The following SKAP1 variants were observed in gnomAD, a reference collection of about 807,000 sequenced individuals.
SKAP1 encodes src kinase associated phosphoprotein 1.
SKAP1 carries 44 observed loss-of-function variants against 58.5 expected under a neutral mutation model. That is an observed-to-expected ratio of 0.75 (90% CI 0.59 to 0.97). SKAP1 has a LOEUF of 0.97. SKAP1 is among the 50% of genes least tolerant of loss of function. SKAP1 has a pLI of 0.00. For synonymous variants in SKAP1, 127 were observed against 149.7 expected (o/e 0.85, Z 1.11); for missense variants, 390 against 435.2 (o/e 0.90, Z 0.92).
intron 3 of SKAP1, among the ~76,000 whole-genome samples, chr17:48,359,320 C>T (rs1159369570): frequency 1.3e-5 from 2 of 152,066 alleles, no homozygotes; most frequent in African/African-American, 4.8e-5. Context: ...TCATGGCACA[C>T]CTCTCTCTGA....
intron 1 of SKAP1, among the ~76,000 whole-genome samples, chr17:48,401,291 G>GCAAGA (rs967435294): frequency 6.6e-6 from 1 of 150,958 alleles, no homozygotes; most frequent in African/African-American, 2.4e-5. Context: ...AGGCAACAGA[G>GCAAGA]CAAGACTCTG....
chr17:48,397,125 T>A (rs1197310775), intron 1 of SKAP1: 5 of 343,610 alleles, frequency 1.5e-5, no homozygotes, highest in African/African-American at 8.9e-5. Context: ...TAGAAAACTA[T>A]GACATATATT....
intron 2 of SKAP1, among the ~76,000 whole-genome samples, chr17:48,384,752 G>A (rs1277354872): frequency 2.0e-5 from 3 of 152,206 alleles, no homozygotes; most frequent in Non-Finnish European, 4.4e-5. Context: ...GGTGGCTGCT[G>A]AGTAGGCATC....
chr17:48,317,401 T>C (rs2066304085), intron 4 of SKAP1, among the ~76,000 whole-genome samples: 1 of 152,138 alleles, frequency 6.6e-6, no homozygotes, highest in South Asian at 2.1e-4. Context: ...GTTTTAAAAA[T>C]TGAATTAAAT....
chr17:48,421,115 T>C (rs1372255583), intron 1 of SKAP1, among the ~76,000 whole-genome samples: 1 of 152,116 alleles, frequency 6.6e-6, no homozygotes, highest in African/African-American at 2.4e-5. Flanking sequence ...GAGCAGCTCT[T>C]ACCTAGAGTT....
chr17:48,160,817 G>GATTA (rs1247585763), intron 11 of SKAP1, among the ~76,000 whole-genome samples: 1 of 152,190 alleles, frequency 6.6e-6, no homozygotes, highest in African/African-American at 2.4e-5. Flanking sequence ...TGGATAACTC[G>GATTA]ATTACCCCTG....
chr17:48,361,114 CTATA>C (rs2066931235), intron 3 of SKAP1, among the ~76,000 whole-genome samples: 2 of 151,290 alleles, frequency 1.3e-5, no homozygotes, highest in Non-Finnish European at 2.9e-5. Context: ...CTATACTATA[CTATA>C]CTATACTGTA....
At chr17:48,237,900 A>T (rs972279146) in intron 4 of SKAP1, among the ~76,000 whole-genome samples, 4 of 146,616 alleles carry the variant, frequency 2.7e-5, no homozygotes, top group Non-Finnish European at 6.0e-5. Context: ...GAAGGGAAAG[A>T]TTGATGAGTT....
chr17:48,388,823 TA>T (rs1384620792), intron 2 of SKAP1, among the ~76,000 whole-genome samples: 3 of 152,258 alleles, frequency 2.0e-5, no homozygotes, highest in African/African-American at 7.2e-5. Context: ...ATTTCTCATA[TA>T]CCAGTTCTCT....
At chr17:48,364,457 A>G (rs1270758100) in intron 2 of SKAP1, among the ~76,000 whole-genome samples, 3 of 152,180 alleles carry the variant, frequency 2.0e-5, no homozygotes, top group African/African-American at 7.2e-5. Context: ...CAGGCAGATC[A>G]TGAGGTCAGC....
intron 4 of SKAP1, among the ~76,000 whole-genome samples, chr17:48,230,150 TA>T (rs915725071): frequency 6.6e-6 from 1 of 152,084 alleles, no homozygotes; most frequent in Non-Finnish European, 1.5e-5. Context: ...GCTCTAGGGC[TA>T]AAAAAAGATG....
At chr17:48,287,525 T>C (rs905558359) in intron 4 of SKAP1, among the ~76,000 whole-genome samples, 1 of 152,108 alleles carries the variant, frequency 6.6e-6, no homozygotes, top group African/African-American at 2.4e-5. Context: ...ACATAGTTCC[T>C]ACTAGGCACA....
rs1253102516 is a variant in SKAP1 at position 48,376,603 on chromosome 17, G to A, written c.153-12789C>T. On this transcript the variant is annotated intron_variant, in intron 2 of 12. Transcript: ENST00000336915. ...TGGATTAGTTATTAGAGTTCATCTA[G>A]GCAAGGTGGATATCTCAGCATTAAC... Among the ~76,000 whole-genome samples, 8 of 152,150 alleles carry A rather than the reference G, an allele frequency of 5.3e-5. No individual in the cohort carries two copies. The South Asian group carries it at 8.3e-4, about 16-fold the overall frequency.
chr17:48,191,002 A>C (rs574719940), intron 4 of SKAP1, among the ~76,000 whole-genome samples: 3 of 152,320 alleles, frequency 2.0e-5, no homozygotes, highest in South Asian at 2.1e-4. Context: ...AACAAACAAA[A>C]AAAAGTATGC....
At chr17:48,154,654 T>C (rs1410445832) in intron 11 of SKAP1, among the ~76,000 whole-genome samples, 4 of 152,032 alleles carry the variant, frequency 2.6e-5, no homozygotes, top group Non-Finnish European at 5.9e-5. Context: ...CCTAGTCAAT[T>C]GAAAAAGAGC....
At chr17:48,145,650 G>A (rs1237207019) in intron 11 of SKAP1, among the ~76,000 whole-genome samples, 1 of 152,074 alleles carries the variant, frequency 6.6e-6, no homozygotes, top group Non-Finnish European at 1.5e-5. Flanking sequence ...GGTGTCAGGG[G>A]ATATTGGGGG....
intron 4 of SKAP1, among the ~76,000 whole-genome samples, chr17:48,271,008 G>A (rs887421028): frequency 3.9e-5 from 6 of 152,104 alleles, no homozygotes; most frequent in African/African-American, 9.7e-5. Flanking sequence ...AAGAAGGGAG[G>A]TGTCAGAAGG....
intron 4 of SKAP1, among the ~76,000 whole-genome samples, chr17:48,191,969 G>A (rs755578339): frequency 3.0e-4 from 46 of 152,168 alleles, no homozygotes; most frequent in Non-Finnish European, 6.0e-4. Context: ...GGCATTGAGT[G>A]GGGTGAGGAC....
At chr17:48,338,780 A>T (rs1311263294) in intron 4 of SKAP1, among the ~76,000 whole-genome samples, 2 of 152,240 alleles carry the variant, frequency 1.3e-5, no homozygotes, top group African/African-American at 2.4e-5. Flanking sequence ...TCATGAAAAC[A>T]TGTATAATCC....
Sources: gnomAD v4.1 joint callset for allele counts (sites outside exome capture counted in the v4.1 genomes callset) on GRCh38, gnomAD v4.1.1 for gene constraint, MANE v1.5 for transcripts, NCBI Gene and HGNC (gene_info 2026-07-23, HGNC 2026-07-21) for gene names.